Variants in MTMR14 observed in about 807,000 individuals in gnomAD.
MTMR14 encodes the protein phosphatidylinositol-3,5-bisphosphate 3-phosphatase MTMR14.
In MTMR14, 48 loss-of-function variants were observed where a neutral mutation model predicts 86.3. The ratio of observed to expected loss-of-function variants is 0.56; its 90% CI spans 0.44 to 0.71. The LOEUF (loss-of-function observed/expected upper bound fraction) is 0.71. Among genes scored for constraint, MTMR14 ranks in the 30% least tolerant of loss-of-function variants. MTMR14 has a pLI of 0.00. For synonymous variants in MTMR14, 366 were observed against 326.1 expected, an observed-to-expected ratio of 1.12 and a Z score of -1.32; for missense variants, 780 against 834.6, an observed-to-expected ratio of 0.93 and a Z score of 0.81.
chr3:9,672,670 A>T lies in MTMR14; in HGVS notation c.678-15A>T, dbSNP rs1025678200. 6.2e-7 allele frequency: 1 copy of T among 1,611,424 alleles called. No homozygotes were observed. Among genetic ancestry groups the T allele is most frequent in the Non-Finnish European group, 8.5e-7 (1 of 1,177,660 alleles). On this transcript the variant is annotated splice_polypyrimidine_tract_variant and intron_variant, in intron 6 of 18. Coordinates refer to ENST00000296003, the MANE Select transcript of MTMR14 (RefSeq NM_001077525.3). ...GTGTTGCGACACTGTAACACATTGT[A>T]TCCTTGTCTTGTAGTGTAACCTCCT...
At chr3:9,687,431 T>G (rs1049854117) in intron 13 of MTMR14, among the ~76,000 whole-genome samples, 23 of 152,044 alleles carry the variant, frequency 1.5e-4, no homozygotes, top group African/African-American at 5.3e-4. Context: ...GGCGGGCACC[T>G]GTAGTCCCAG....
chr3:9,697,992 C>A, intron 18 of MTMR14, 126 bp downstream of exon 18: 1 of 1,336,008 alleles, frequency 7.5e-7, no homozygotes, highest in Non-Finnish European at 1.1e-6. Flanking sequence ...GCCCTCCCCT[C>A]TCTCAGCTGC....
chr3:9,698,762 T>C (rs983149447), intron 18 of MTMR14, among the ~76,000 whole-genome samples: 1 of 152,148 alleles, frequency 6.6e-6, no homozygotes, highest in Admixed American at 6.5e-5. Context: ...GTCCTGGCTC[T>C]GCAGCTGTGA....
At chr3:9,662,988 T>G (rs1287547117) in intron 3 of MTMR14, among the ~76,000 whole-genome samples, 1 of 152,168 alleles carries the variant, frequency 6.6e-6, no homozygotes, top group Non-Finnish European at 1.5e-5. Context: ...AGTGACTAAG[T>G]AACTTCCCTA....
intron 3 of MTMR14, among the ~76,000 whole-genome samples, chr3:9,668,053 T>C (rs1483208931): frequency 2.6e-5 from 4 of 152,192 alleles, no homozygotes; most frequent in Non-Finnish European, 5.9e-5. Flanking sequence ...GCAAACACTA[T>C]TTATTTTAAA....
chr3:9,679,056 TG>T (rs1257692869), intron 9 of MTMR14, among the ~76,000 whole-genome samples: 1 of 152,240 alleles, frequency 6.6e-6, no homozygotes, highest in African/African-American at 2.4e-5. Context: ...GTTAAGCAAC[TG>T]GGTGCTCCTA....
At chr3:9,674,262 T>C (rs1575002648) in intron 7 of MTMR14, among the ~76,000 whole-genome samples, 1 of 152,238 alleles carries the variant, frequency 6.6e-6, no homozygotes, top group African/African-American at 2.4e-5. Flanking sequence ...CACAGTGTCC[T>C]TTCTGCTGTA....
chr3:9,669,418 G>T lies in MTMR14; in HGVS notation c.494-14G>T, dbSNP rs747487349. The T allele has an allele frequency of 3.1e-6, 5 of 1,613,698 alleles. No homozygotes were observed. The East Asian group carries it at 6.7e-5, about 22-fold the overall frequency. On this transcript the variant is annotated splice_polypyrimidine_tract_variant and intron_variant, in intron 4 of 18. Transcript: ENST00000296003. ...TCACCAGCCTCAGTACTGACAGATA[G>T]GTTTCTCTGGCAGGGGGTGCAGATG...
At chr3:9,675,049 T>C (rs2048779964) in intron 7 of MTMR14, among the ~76,000 whole-genome samples, 1 of 152,240 alleles carries the variant, frequency 6.6e-6, no homozygotes, top group African/African-American at 2.4e-5. Flanking sequence ...AGGCGGAGGT[T>C]GCAGTGAGCC....
intron 17 of MTMR14, among the ~76,000 whole-genome samples, chr3:9,695,025 T>C (rs2076243313): frequency 6.6e-6 from 1 of 152,208 alleles, no homozygotes; most frequent in African/African-American, 2.4e-5. Context: ...CTTGGTCCCA[T>C]GTTCTCTCCA....
chr3:9,650,306 T>G (rs778394734), intron 1 of MTMR14: 2 of 456,588 alleles, frequency 4.4e-6, no homozygotes, highest in Non-Finnish European at 8.8e-6. Flanking sequence ...CTCTTTTTGC[T>G]CCCTTTGGGA....
At chr3:9,651,481 G>C (rs1297508783) in intron 1 of MTMR14, among the ~76,000 whole-genome samples, 1 of 152,088 alleles carries the variant, frequency 6.6e-6, no homozygotes, top group Non-Finnish European at 1.5e-5. Flanking sequence ...TGAAGATTAG[G>C]GTTAGCATAA....
intron 7 of MTMR14, among the ~76,000 whole-genome samples, chr3:9,674,838 G>A (rs1485266632): frequency 5.3e-5 from 8 of 152,004 alleles, no homozygotes. Context: ...AAAGCCGAGT[G>A]CAGTGGCTCA....
chr3:9,662,149 A>T, intron 2 of MTMR14, 118 bp from the exon 3 acceptor site: 1 of 743,690 alleles, frequency 1.3e-6, no homozygotes, highest in Non-Finnish European at 2.4e-6. Flanking sequence ...AATGACATTT[A>T]ATTTCAAGCA....
chr3:9,656,123 A>G (rs888918917), intron 2 of MTMR14, among the ~76,000 whole-genome samples: 1 of 152,076 alleles, frequency 6.6e-6, no homozygotes, highest in African/African-American at 2.4e-5. Flanking sequence ...TGAACCCAGG[A>G]GGCGGAGACT....
intron 2 of MTMR14, among the ~76,000 whole-genome samples, chr3:9,656,411 TTAGG>T (rs1319628723): frequency 1.3e-5 from 2 of 149,536 alleles, no homozygotes; most frequent in African/African-American, 5.1e-5. Context: ...CCTTCCAGAA[TTAGG>T]TAAGCTTAGT....
chr3:9,692,845 C>T (rs2076175798), intron 17 of MTMR14, among the ~76,000 whole-genome samples: 1 of 152,212 alleles, frequency 6.6e-6, no homozygotes, highest in African/African-American at 2.4e-5. Flanking sequence ...CTTTGAGCAA[C>T]GAGCTCTGTC....
intron 3 of MTMR14, among the ~76,000 whole-genome samples, chr3:9,666,764 G>T (rs1053594669): frequency 9.2e-5 from 14 of 152,184 alleles, no homozygotes; most frequent in Admixed American, 8.5e-4. Flanking sequence ...ATTATACAGA[G>T]TGCTTTTCCA....
At position 9,688,774 on chromosome 3, in the gene MTMR14, A is replaced by G. The variant is rs1390534949; in HGVS notation, c.1294+20A>G. 2 of 1,613,802 alleles carry G rather than the reference A, an allele frequency of 1.2e-6. No homozygotes were observed. The highest frequency in any genetic ancestry group is 8.5e-7 in the Non-Finnish European group (1 of 1,179,968). ...TGCTGAGTGAGTCCTGGGCCCCAAC[A>G]GACTTCCCTTCCTCCATACATCTTC... On this transcript the variant is annotated intron_variant, in intron 15 of 18. Transcript: ENST00000296003.
Sources: allele counts gnomAD v4.1 joint callset (sites outside exome capture counted in the v4.1 genomes callset), GRCh38; gene constraint gnomAD v4.1.1; transcripts MANE v1.5; gene names NCBI Gene and HGNC (gene_info 2026-07-23, HGNC 2026-07-21).